The following BRD1 variants were observed in gnomAD, a reference collection of about 807,000 sequenced individuals.
BRD1 encodes the protein bromodomain-containing protein 1.
Under a neutral mutation model 107.7 loss-of-function variants are expected in BRD1, and 24 were observed. That is an observed-to-expected ratio of 0.22 (90% CI 0.16 to 0.31). BRD1 has a LOEUF of 0.31. BRD1 is among the 10% of genes least tolerant of loss of function. BRD1 has a pLI of 1.00. For synonymous variants in BRD1, 744 were observed against 686.1 expected (o/e 1.08, Z -1.32); for missense variants, 1,279 against 1,638.6 (o/e 0.78, Z 3.79).
chr22:49,791,512 GA>G (rs2059433663), intron 7 of BRD1, among the ~76,000 whole-genome samples: 1 of 152,338 alleles, frequency 6.6e-6, no homozygotes, highest in East Asian at 1.9e-4. Context: ...TTATATTTAA[GA>G]AAAATGATGG....
chr22:49,814,057 A>C (rs1480917720), intron 2 of BRD1, among the ~76,000 whole-genome samples: 2 of 152,136 alleles, frequency 1.3e-5, no homozygotes, highest in Non-Finnish European at 2.9e-5. Flanking sequence ...GCACGAACGG[A>C]ATTCCATGGC....
intron 3 of BRD1, among the ~76,000 whole-genome samples, chr22:49,800,416 A>C (rs2059619234): frequency 6.6e-6 from 1 of 152,142 alleles, no homozygotes; most frequent in Admixed American, 6.5e-5. Flanking sequence ...CAACTCAAGC[A>C]AAGGCAGGAA....
chr22:49,814,564 A>G (rs2059914658), intron 2 of BRD1, among the ~76,000 whole-genome samples: 1 of 152,250 alleles, frequency 6.6e-6, no homozygotes, highest in South Asian at 2.1e-4. Context: ...GCAAAAGAGG[A>G]CGCAGCCCCA....
chr22:49,785,715 C>CA (rs1247273094), intron 8 of BRD1, among the ~76,000 whole-genome samples: 4 of 152,220 alleles, frequency 2.6e-5, no homozygotes, highest in Non-Finnish European at 4.4e-5. Context: ...ATCAATCCAT[C>CA]AAAGTAAAAG....
rs574296235 is a variant in BRD1 at position 49,786,571 on chromosome 22, T to C, written c.2857+819A>G. ...GGCCACATAAAACAATGAGTAAATG[T>C]TGCTGAAATCAACTGCAAAGTACTG... On this transcript the variant is annotated intron_variant, in intron 8 of 12. Coordinates refer to ENST00000404760, the MANE Select transcript of BRD1 (RefSeq NM_001304808.3). Among the ~76,000 whole-genome samples, 3 of 152,312 alleles carry C rather than the reference T, an allele frequency of 2.0e-5. No homozygotes were observed. The Middle Eastern group carries it at 0.01, about 522-fold the overall frequency.
chr22:49,805,008 T>G (rs912549306), intron 2 of BRD1, among the ~76,000 whole-genome samples: 1 of 152,186 alleles, frequency 6.6e-6, no homozygotes, highest in Non-Finnish European at 1.5e-5. Flanking sequence ...TTCAACCACA[T>G]CTGTGTCAGC....
rs576031294 is a variant in BRD1, at chr22:49,820,421, G to A, written c.1367+2530C>T. Among the ~76,000 whole-genome samples the A allele has an allele frequency of 5.5e-4, 84 of 152,012 alleles. 2 individuals carry two copies. In the South Asian group the frequency reaches 0.017, roughly 30 times the overall value. On this transcript the variant is annotated intron_variant, in intron 2 of 12. Coordinates refer to ENST00000404760, the MANE Select transcript of BRD1 (RefSeq NM_001304808.3). The stretch of plus-strand genomic sequence containing the variant: ...ATAACCAACTAGACTCAGCATCCCC[G>A]CCCACGGCTGCACATCAAGAAGCTT...
intron 6 of BRD1, among the ~76,000 whole-genome samples, chr22:49,796,348 CCT>C (rs544357614): frequency 1.9e-4 from 27 of 144,970 alleles, no homozygotes; most frequent in Admixed American, 1.5e-3. Flanking sequence ...CCCGCCTCGG[CCT>C]CTCTCTTTTT....
At chr22:49,780,521 G>T (rs552131614) in intron 8 of BRD1, among the ~76,000 whole-genome samples, 136 of 152,158 alleles carry the variant, frequency 8.9e-4, no homozygotes, top group Middle Eastern at 3.4e-3. Flanking sequence ...TCTGGGGGCT[G>T]CGGCAGTGCG....
chr22:49,801,881 GC>G (rs1168112065), intron 3 of BRD1, among the ~76,000 whole-genome samples: 2 of 152,300 alleles, frequency 1.3e-5, no homozygotes, highest in East Asian at 3.9e-4. Flanking sequence ...CGTGGCCCCT[GC>G]CCACTGGCCC....
At chr22:49,796,859 G>A (rs2059543480) in intron 6 of BRD1, among the ~76,000 whole-genome samples, 1 of 150,992 alleles carries the variant, frequency 6.6e-6, no homozygotes, top group Admixed American at 6.6e-5. Context: ...CCCCGCGATG[G>A]CGGGAACGTG....
chr22:49,816,926 A>G (rs568702825), intron 2 of BRD1, among the ~76,000 whole-genome samples: 35 of 152,172 alleles, frequency 2.3e-4, no homozygotes, highest in Non-Finnish European at 4.1e-4. Flanking sequence ...CCTGTGGGTG[A>G]CCTTGTCTAC....
At position 49,774,928 on chromosome 22, in the gene BRD1, G is replaced by A. The variant is rs58406888; in HGVS notation, c.3387-512C>T. Among the ~76,000 whole-genome samples the A allele has an allele frequency of 6.7e-3, 1,020 of 152,240 alleles. 17 individuals carry two copies. Among genetic ancestry groups the A allele is most frequent in the African/African-American group, 0.022 (901 of 41,582 alleles). On this transcript the variant is annotated intron_variant, in intron 12 of 12. Coordinates refer to ENST00000404760, the MANE Select transcript of BRD1 (RefSeq NM_001304808.3). The stretch of plus-strand genomic sequence containing the variant: ...AGGCACACCATAGGCAGGTGGCCCC[G>A]AGCCCCTGCGCCAGGTCCCAAGTGC...
chr22:49,785,774 T>C (rs1240676474), intron 8 of BRD1, among the ~76,000 whole-genome samples: 1 of 152,246 alleles, frequency 6.6e-6, no homozygotes, highest in Non-Finnish European at 1.5e-5. Context: ...AAAATTTTCA[T>C]ACAAATCAAA....
In BRD1 at chr22:49,777,805, T is replaced by C. The variant is rs1229902563; in HGVS notation, c.2866A>G (p.Asn956Asp). The C allele has an allele frequency of 6.3e-7, 1 of 1,599,900 alleles. No individual in the cohort carries two copies. Among genetic ancestry groups the C allele is most frequent in the South Asian group, 1.1e-5 (1 of 90,122 alleles). Residue 956 changes from asparagine (N) to aspartate (D), a missense_variant, in exon 9 of 13, where the codon AAC (asparagine) becomes GAC (aspartate). Transcript: ENST00000404760. ...PGKRLDAGLTNGFGGARSEQE... is the reference protein window; with the variant it reads ...PGKRLDAGLTDGFGGARSEQE... ...TCGCTCCTCGCACCCCCAAAGCCGT[T>C]GGTGAGACCTGGAACACAGGCGGGC... is the stretch of plus-strand genomic sequence containing the variant.
chr22:49,799,892 T>G (rs2059610100), intron 3 of BRD1, among the ~76,000 whole-genome samples: 1 of 152,200 alleles, frequency 6.6e-6, no homozygotes, highest in Non-Finnish European at 1.5e-5. Context: ...CCTGGCCGCA[T>G]GAGGCCTGCT....
intron 2 of BRD1, chr22:49,806,541 G>C (rs2059747788): frequency 6.6e-6 from 1 of 152,206 alleles, no homozygotes; most frequent in Non-Finnish European, 1.5e-5. Flanking sequence ...AGGGGAAACA[G>C]ACCTCAGATA....
Position 49,792,014 on chromosome 22 carries a change from G to A in BRD1, c.2359+2020C>T, listed in dbSNP as rs955988775. On this transcript the variant is annotated intron_variant, in intron 7 of 12. Coordinates refer to ENST00000404760, the MANE Select transcript of BRD1 (RefSeq NM_001304808.3). The surrounding 1 kb of genome is among the most constrained non-coding windows in gnomAD (Gnocchi z 4.2). ...ACAAAAATGGTCTCCAAAGGCTCCT[G>A]CTAAGCGTTGGGTGTTATGAGGAGC... Among the ~76,000 whole-genome samples the A allele has an allele frequency of 1.3e-5, 2 of 152,160 alleles. No homozygotes were observed. The highest frequency in any genetic ancestry group is 1.5e-5 in the Non-Finnish European group (1 of 68,036).
In BRD1 at chr22:49,818,282, C is replaced by T. The variant is rs527670270; in HGVS notation, c.1367+4669G>A. On this transcript the variant is annotated intron_variant, in intron 2 of 12. Transcript: ENST00000404760. ...GGCTCTCGTAGTAGAGGAGCTCCTC[C>T]TAGAAGATCTGAAGCAGTCAAAGGA... 228 of 1,278,530 alleles carry T rather than the reference C, an allele frequency of 1.8e-4. 1 individual carries two copies. Among genetic ancestry groups the T allele is most frequent in the Middle Eastern group, 1.7e-3 (8 of 4,650 alleles). The allele number at this position is 1,278,530 out of a possible 1,614,324, so 79.2% of individuals were successfully genotyped here. A position where few individuals can be genotyped will look rare whatever the true frequency, so the allele number is the denominator to read the frequency against.
Sources: allele counts gnomAD v4.1 joint callset (sites outside exome capture counted in the v4.1 genomes callset), GRCh38; gene constraint gnomAD v4.1.1; non-coding constraint Gnocchi (gnomAD v3.1); transcripts MANE v1.5; gene names NCBI Gene and HGNC (gene_info 2026-07-23, HGNC 2026-07-21).